CCDC91: variants seen among roughly 807,000 people sequenced by gnomAD.
The protein encoded by CCDC91 is coiled-coil domain-containing protein 91.
CCDC91 carries 48 observed loss-of-function variants against 63.2 expected under a neutral mutation model. That is an observed-to-expected ratio of 0.76 (90% CI 0.60 to 0.97). The LOEUF (loss-of-function observed/expected upper bound fraction) is 0.97, where lower values mean the gene tolerates loss of function less well. Ranked by LOEUF, CCDC91 falls within the 50% of genes least tolerant of loss-of-function variation. The pLI, the probability that CCDC91 is intolerant of heterozygous loss-of-function variation, is 0.00. For missense variants in CCDC91, 500 were observed against 494.6 expected (o/e 1.01, Z -0.10); for synonymous variants, 167 against 165.8 (o/e 1.01, Z -0.06).
chr12:28,273,045 T>C (rs1947895597), intron 3 of CCDC91, among the ~76,000 whole-genome samples: 1 of 138,502 alleles, frequency 7.2e-6, no homozygotes, highest in South Asian at 2.6e-4. Context: ...TGTGCCCATG[T>C]GTTCTCATTG....
chr12:28,203,801 T>C (rs1591976231), intron 1 of CCDC91, among the ~76,000 whole-genome samples: 1 of 152,204 alleles, frequency 6.6e-6, no homozygotes, highest in African/African-American at 2.4e-5. Context: ...TTAAATAATT[T>C]GAGTCAGTTT....
At chr12:28,302,987 A>G (rs1938243599) in intron 3 of CCDC91, among the ~76,000 whole-genome samples, 1 of 152,118 alleles carries the variant, frequency 6.6e-6, no homozygotes, top group African/African-American at 2.4e-5. Context: ...TTTATTGGAG[A>G]AAGAGCCTGA....
At chr12:28,380,883 C>T (rs1367808942) in intron 7 of CCDC91, among the ~76,000 whole-genome samples, 2 of 152,104 alleles carry the variant, frequency 1.3e-5, no homozygotes, top group African/African-American at 4.8e-5. Context: ...CCTAATTATA[C>T]TGCAGGAAAA....
chr12:28,394,711 G>GCCCTCTCTCTCTCTCTCT (rs1946175862), intron 8 of CCDC91, among the ~76,000 whole-genome samples: 1 of 136,948 alleles, frequency 7.3e-6, no homozygotes, highest in Non-Finnish European at 1.6e-5. Context: ...TCTGTTTCTT[G>GCCCTCTCTCTCTCTCTCT]CTCTCTCTCT....
At chr12:28,418,506 C>G (rs972220454) in intron 8 of CCDC91, among the ~76,000 whole-genome samples, 10 of 152,046 alleles carry the variant, frequency 6.6e-5, no homozygotes, top group Non-Finnish European at 1.3e-4. Context: ...CAAAGACCAT[C>G]TACTCAAAAT....
intron 8 of CCDC91, among the ~76,000 whole-genome samples, chr12:28,437,729 G>C (rs1216358856): frequency 1.3e-5 from 2 of 151,700 alleles, no homozygotes; most frequent in Non-Finnish European, 2.9e-5. Flanking sequence ...TCTTATCACT[G>C]GTTTCAACAC....
At chr12:28,201,680 T>G (rs1942449030) in intron 1 of CCDC91, among the ~76,000 whole-genome samples, 1 of 144,446 alleles carries the variant, frequency 6.9e-6, no homozygotes. Flanking sequence ...GGCAGGCGGC[T>G]GGGAGGTGGA....
At chr12:28,443,490 C>T (rs1350637697) in intron 8 of CCDC91, among the ~76,000 whole-genome samples, 3 of 151,826 alleles carry the variant, frequency 2.0e-5, no homozygotes, top group African/African-American at 7.3e-5. Flanking sequence ...TGCATGAATG[C>T]CTATGTTTGT....
intron 6 of CCDC91, among the ~76,000 whole-genome samples, chr12:28,333,545 C>T (rs933249301): frequency 3.3e-5 from 5 of 151,972 alleles, no homozygotes; most frequent in Admixed American, 1.3e-4. Flanking sequence ...ATGGAATCTT[C>T]GAATAATATA....
At chr12:28,313,217 G>T (rs1307797373) in intron 6 of CCDC91, among the ~76,000 whole-genome samples, 1 of 151,900 alleles carries the variant, frequency 6.6e-6, no homozygotes, top group African/African-American at 2.4e-5. Context: ...CATCTCTGTG[G>T]TATCCTAAAT....
intron 1 of CCDC91, among the ~76,000 whole-genome samples, chr12:28,247,162 A>C (rs912986409): frequency 3.9e-5 from 6 of 152,338 alleles, no homozygotes; most frequent in African/African-American, 1.4e-4. Context: ...ACTAGGTTAC[A>C]AAGGTCCATT....
At chr12:28,419,745 T>A (rs575094738) in intron 8 of CCDC91, among the ~76,000 whole-genome samples, 6 of 139,676 alleles carry the variant, frequency 4.3e-5, no homozygotes, top group East Asian at 2.3e-4. Flanking sequence ...CTGTTTTTTT[T>A]AAATTATCAT....
At chr12:28,198,499 A>G (rs1941953384) in intron 1 of CCDC91, among the ~76,000 whole-genome samples, 1 of 152,232 alleles carries the variant, frequency 6.6e-6, no homozygotes, top group Admixed American at 6.5e-5. Context: ...AAAATTGGGC[A>G]TGAAAAACAA....
At chr12:28,229,668 G>C (rs373590594) in intron 1 of CCDC91, among the ~76,000 whole-genome samples, 26 of 152,272 alleles carry the variant, frequency 1.7e-4, no homozygotes, top group East Asian at 1.3e-3. Context: ...TGATCAGAGA[G>C]AAACAGAGCT....
intron 12 of CCDC91, among the ~76,000 whole-genome samples, chr12:28,526,757 CATT>C (rs1175827670): frequency 6.6e-6 from 1 of 151,862 alleles, no homozygotes; most frequent in African/African-American, 2.4e-5. Context: ...TAGGTTTGGC[CATT>C]TAACATAATC....
chr12:28,525,661 T>C (rs776589073), intron 12 of CCDC91, among the ~76,000 whole-genome samples: 1 of 152,080 alleles, frequency 6.6e-6, no homozygotes, highest in Non-Finnish European at 1.5e-5. Context: ...TTTGTTGGCT[T>C]TCTGTCTTGA....
intron 3 of CCDC91, among the ~76,000 whole-genome samples, chr12:28,294,471 C>G (rs1371935006): frequency 1.3e-5 from 2 of 152,150 alleles, no homozygotes; most frequent in African/African-American, 2.4e-5. Context: ...CTCTGGCTCT[C>G]TTTCTCCTTC....
intron 8 of CCDC91, among the ~76,000 whole-genome samples, chr12:28,418,476 C>T (rs1403513209): frequency 1.3e-5 from 2 of 151,982 alleles, no homozygotes; most frequent in Non-Finnish European, 2.9e-5. Flanking sequence ...ATTGACTTTG[C>T]CTGAATTTCC....
At chr12:28,201,605 T>A (rs1358328351) in intron 1 of CCDC91, among the ~76,000 whole-genome samples, 4 of 146,162 alleles carry the variant, frequency 2.7e-5, no homozygotes, top group Admixed American at 6.7e-5. Context: ...GCAGAGACGC[T>A]CCTCACTTCC....
Sources: allele counts gnomAD v4.1 joint callset (sites outside exome capture counted in the v4.1 genomes callset), GRCh38; gene constraint gnomAD v4.1.1; transcripts MANE v1.5; gene names NCBI Gene and HGNC (gene_info 2026-07-23, HGNC 2026-07-21).